Variants in CKAP5 observed in about 807,000 individuals in gnomAD.
CKAP5 encodes cytoskeleton associated protein 5.
CKAP5 carries 27 observed loss-of-function variants against 232.8 expected under a neutral mutation model. The observed-to-expected ratio is 0.12, with a 90% CI of 0.09 to 0.16. The LOEUF is 0.16. Among genes scored for constraint, CKAP5 ranks in the 10% least tolerant of loss-of-function variants. The pLI is 1.00. For synonymous variants in CKAP5, 785 were observed against 841.1 expected, an observed-to-expected ratio of 0.93 and a Z score of 1.16; for missense variants, 1,838 against 2,424.7, an observed-to-expected ratio of 0.76 and a Z score of 5.08.
chr11:46,779,085 C>CA (rs1445842661), intron 20 of CKAP5, among the ~76,000 whole-genome samples: 6 of 152,042 alleles, frequency 3.9e-5, no homozygotes, highest in Admixed American at 2.0e-4. Context: ...CACCTCAAAA[C>CA]AAACAAACAA....
chr11:46,795,146 T>C (rs949406791), intron 13 of CKAP5, among the ~76,000 whole-genome samples: 1 of 152,008 alleles, frequency 6.6e-6, no homozygotes, highest in African/African-American at 2.4e-5. Flanking sequence ...CTGGCCAACA[T>C]GGCAAATTCC....
At chr11:46,756,692 C>T (rs2065112763) in intron 35 of CKAP5, among the ~76,000 whole-genome samples, 1 of 152,008 alleles carries the variant, frequency 6.6e-6, no homozygotes, top group South Asian at 2.1e-4. Context: ...CCTGTCATGT[C>T]TCTCAGTCTC....
chr11:46,766,512 TAG>T (rs1250400824), intron 27 of CKAP5, among the ~76,000 whole-genome samples: 2 of 152,192 alleles, frequency 1.3e-5, no homozygotes, highest in African/African-American at 4.8e-5. Context: ...AGAAAGGCCC[TAG>T]AGTGTGTACT....
Position 46,770,908 on chromosome 11 carries a change from A to T in CKAP5, c.3066T>A (p.His1022Gln). ...TTCGATCTTCTAGGCAGGAGTAGAG[A>T]TGAGGAACACAAAGGATAAGGTCTG... The part of the protein sequence containing the change: ...TPTDLILCVP[H>Q]LYSCLEDRNG... Residue 1022 changes from histidine to glutamine, a missense_variant, in exon 25 of 44, where the codon CAT (histidine) becomes CAA (glutamine). This residue lies in a region of CKAP5 where 767 missense variants were observed against 954.6 expected (regional missense o/e 0.80). Coordinates refer to ENST00000529230, the MANE Select transcript of CKAP5 (RefSeq NM_001008938.4). 1.9e-6 allele frequency: 3 copies of T among 1,614,130 alleles called. No individual in the cohort carries two copies. Among genetic ancestry groups the T allele is most frequent in the Non-Finnish European group, 2.5e-6 (3 of 1,180,018 alleles).
At chr11:46,767,146 C>T (rs2065209142) in intron 27 of CKAP5, among the ~76,000 whole-genome samples, 1 of 152,036 alleles carries the variant, frequency 6.6e-6, no homozygotes, top group Non-Finnish European at 1.5e-5. Flanking sequence ...CTCAACTTCC[C>T]AAGTAGCTGG....
intron 1 of CKAP5, among the ~76,000 whole-genome samples, chr11:46,824,974 T>TAA (rs774497650): frequency 1.6e-4 from 24 of 152,326 alleles, no homozygotes; most frequent in Non-Finnish European, 2.6e-4. Flanking sequence ...TATCCCAGTC[T>TAA]AAAACTGAGG....
chr11:46,743,076 G>A lies in CKAP5; in HGVS notation c.*947C>T, dbSNP rs2064996488. On this transcript the variant is annotated 3_prime_UTR_variant, in exon 44 of 44. Transcript: ENST00000529230. Reference sequence around the variant, plus strand: ...TACTCTGACTGAATGTGAAGCAACTGTTAGCCTGGACCAAAAGAGACTCAT... The same window carrying A: ...TACTCTGACTGAATGTGAAGCAACTATTAGCCTGGACCAAAAGAGACTCAT... 6.6e-6 allele frequency: 1 copy of A among 152,182 alleles called. No homozygotes were observed. The highest frequency in any genetic ancestry group is 6.5e-5 in the Admixed American group (1 of 15,270). The allele number at this position is 152,182 out of a possible 1,614,324, so 9.4% of individuals were successfully genotyped here. A position where few individuals can be genotyped will look rare whatever the true frequency, so the allele number is the denominator to read the frequency against.
intron 1 of CKAP5, among the ~76,000 whole-genome samples, chr11:46,830,330 A>T (rs963214859): frequency 1.3e-5 from 2 of 150,192 alleles, no homozygotes; most frequent in East Asian, 4.0e-4. Flanking sequence ...AGTCCCAGCT[A>T]CTCGGGAGGC....
chr11:46,779,291 C>T (rs890672181), intron 20 of CKAP5, among the ~76,000 whole-genome samples: 7 of 152,038 alleles, frequency 4.6e-5, no homozygotes, highest in Non-Finnish European at 7.4e-5. Flanking sequence ...TGCTACCACA[C>T]TCGGCTGACT....
intron 28 of CKAP5, among the ~76,000 whole-genome samples, chr11:46,764,462 C>T (rs1051815157): frequency 1.3e-5 from 2 of 151,980 alleles, no homozygotes; most frequent in East Asian, 1.9e-4. Flanking sequence ...TACACAGATA[C>T]GAATGATCTT....
At chr11:46,796,772 G>A in intron 12 of CKAP5, 40 bp downstream of exon 12, 1 of 1,607,924 alleles carries the variant, frequency 6.2e-7, no homozygotes, top group Middle Eastern at 1.7e-4. Flanking sequence ...AAAGAGACAG[G>A]AATGTTGTCC....
chr11:46,814,772 A>G (rs1281144021), intron 4 of CKAP5, among the ~76,000 whole-genome samples: 1 of 152,210 alleles, frequency 6.6e-6, no homozygotes, highest in African/African-American at 2.4e-5. Flanking sequence ...CTTACTACAT[A>G]AGAGCAAAAG....
rs187186684 is a variant in CKAP5 at position 46,777,623 on chromosome 11, T to C, written c.2749-71A>G. 15 of 1,009,886 alleles carry C rather than the reference T, an allele frequency of 1.5e-5. No individual in the cohort carries two copies. In the African/African-American group the frequency reaches 2.0e-4, roughly 14 times the overall value. The allele number at this position is 1,009,886 out of a possible 1,614,324, so 62.6% of individuals were successfully genotyped here. On this transcript the variant is annotated intron_variant, in intron 22 of 43. Coordinates refer to ENST00000529230, the MANE Select transcript of CKAP5 (RefSeq NM_001008938.4). ...TGTGTGCAAACTTCCGTAAATTTGC[T>C]GCTATACTGTCAATACAGCAGGAGA...
intron 22 of CKAP5, among the ~76,000 whole-genome samples, chr11:46,777,817 T>A (rs1228837484): frequency 6.6e-6 from 1 of 152,230 alleles, no homozygotes; most frequent in East Asian, 1.9e-4. Context: ...TAAAACCTAG[T>A]TTAAGGAAAT....
intron 1 of CKAP5, among the ~76,000 whole-genome samples, chr11:46,831,569 C>A (rs1212439394): frequency 6.6e-6 from 1 of 152,182 alleles, no homozygotes; most frequent in Non-Finnish European, 1.5e-5. Context: ...TGCTCCATTG[C>A]CCAGGCTGGA....
At chr11:46,773,008 C>T (rs930420322) in intron 24 of CKAP5, among the ~76,000 whole-genome samples, 9 of 152,184 alleles carry the variant, frequency 5.9e-5, no homozygotes, top group Non-Finnish European at 1.0e-4. Context: ...TTCCAAAGTG[C>T]TGGGATTACA....
At chr11:46,812,743 T>G (rs1349990849) in intron 4 of CKAP5, among the ~76,000 whole-genome samples, 2 of 152,052 alleles carry the variant, frequency 1.3e-5, no homozygotes, top group African/African-American at 4.8e-5. Context: ...GCTCAAGCTA[T>G]TCTCCAGACT....
At chr11:46,777,825 A>T (rs1372236724) in intron 22 of CKAP5, among the ~76,000 whole-genome samples, 1 of 152,236 alleles carries the variant, frequency 6.6e-6, no homozygotes, top group Non-Finnish European at 1.5e-5. Flanking sequence ...AGTTTAAGGA[A>T]ATCCTGACAT....
Position 46,797,933 on chromosome 11 carries a change from C to G in CKAP5, c.1210G>C (p.Val404Leu), listed in dbSNP as rs1167713644. The G allele has an allele frequency of 6.2e-7, 1 of 1,613,844 alleles. No homozygotes were observed. Among genetic ancestry groups the G allele is most frequent in the African/African-American group, 1.3e-5 (1 of 74,872 alleles). ...ATGGTTGGATTTTTATTATCCATTA[C>G]TGCTAAAACATCCTCACTGATGTTC... ...LQNISEDVLA[V>L]MDNKNPTIKQ... The change falls in exon 11 of 44, where the codon GTA becomes CTA. Residue 404 changes from valine to leucine, a missense_variant. Val to Leu is a conservative substitution (Grantham distance 32, BLOSUM62 1). Coordinates refer to ENST00000529230, the MANE Select transcript of CKAP5 (RefSeq NM_001008938.4).
Sources: allele counts gnomAD v4.1 joint callset (sites outside exome capture counted in the v4.1 genomes callset), GRCh38; gene constraint gnomAD v4.1.1; regional missense constraint gnomAD v4.1.1; transcripts MANE v1.5; gene names NCBI Gene and HGNC (gene_info 2026-07-23, HGNC 2026-07-21).